ZNF385D: variants seen among roughly 807,000 people sequenced by gnomAD.
The protein encoded by ZNF385D is zinc finger protein 385D, also known as zinc finger protein 659.
In ZNF385D, 15 loss-of-function variants were observed where a neutral mutation model predicts 35.8. The ratio of observed to expected loss-of-function variants is 0.42; its 90% CI spans 0.28 to 0.64. The LOEUF is 0.64. Ranked by LOEUF, ZNF385D falls within the 30% of genes least tolerant of loss-of-function variation. The pLI, the probability that ZNF385D is intolerant of heterozygous loss-of-function variation, is 0.23. For synonymous variants in ZNF385D, 212 were observed against 186.8 expected, an observed-to-expected ratio of 1.13 and a Z score of -1.10; for missense variants, 474 against 494.6, an observed-to-expected ratio of 0.96 and a Z score of 0.39.
In ZNF385D at chr3:21,848,832, T is replaced by C. The variant is rs138166620; in HGVS notation, c.326-183804A>G. Among the ~76,000 whole-genome samples the C allele has an allele frequency of 4.6e-3, 694 of 152,166 alleles. 8 individuals carry two copies. The highest frequency in any genetic ancestry group is 0.015 in the African/African-American group (639 of 41,558). ...ATAAAGAAGGGGAATGCTACTTTTA[T>C]CTCGTCTTACATAGACTCTAAACGT... is the stretch of plus-strand genomic sequence containing the variant. On this transcript the variant is annotated intron_variant, in intron 3 of 5. Transcript: ENST00000494108.
At chr3:21,818,146 T>C (rs1249733351) in intron 3 of ZNF385D, among the ~76,000 whole-genome samples, 2 of 131,712 alleles carry the variant, frequency 1.5e-5, no homozygotes, top group Non-Finnish European at 3.2e-5. Context: ...CTTGGACACA[T>C]GGTGGGGAAC....
At chr3:21,975,881 C>G (rs562537529) in intron 3 of ZNF385D, among the ~76,000 whole-genome samples, 1 of 151,580 alleles carries the variant, frequency 6.6e-6, no homozygotes, top group Non-Finnish European at 1.5e-5. Flanking sequence ...ATCTGATTAA[C>G]TACACAGGAC....
At chr3:21,433,629 G>A (rs1038186756) in intron 5 of ZNF385D, among the ~76,000 whole-genome samples, 1 of 152,146 alleles carries the variant, frequency 6.6e-6, no homozygotes, top group Admixed American at 6.6e-5. Context: ...TGTCTTCTCT[G>A]AATGCAGACA....
chr3:21,817,363 C>G (rs2073197940), intron 3 of ZNF385D, among the ~76,000 whole-genome samples: 1 of 152,100 alleles, frequency 6.6e-6, no homozygotes, highest in South Asian at 2.1e-4. Flanking sequence ...AGTTTCTGCA[C>G]AGCAAAAGAA....
intron 3 of ZNF385D, among the ~76,000 whole-genome samples, chr3:21,798,508 G>A (rs1361409818): frequency 1.3e-5 from 2 of 152,130 alleles, no homozygotes; most frequent in Non-Finnish European, 2.9e-5. Flanking sequence ...AGGATAGCAG[G>A]GGAAGCGTCT....
chr3:22,292,029 T>C (rs1208017683), intron 2 of ZNF385D, among the ~76,000 whole-genome samples: 3 of 152,024 alleles, frequency 2.0e-5, no homozygotes, highest in Non-Finnish European at 2.9e-5. Context: ...CCTGAACATA[T>C]TGGATATTGG....
intron 1 of ZNF385D, among the ~76,000 whole-genome samples, chr3:21,666,368 A>C (rs533253158): frequency 6.6e-6 from 1 of 152,206 alleles, no homozygotes; most frequent in Non-Finnish European, 1.5e-5. Context: ...TCCTGCTCCC[A>C]GGTATAAAAT....
chr3:22,320,833 T>G (rs1049830297), intron 2 of ZNF385D, among the ~76,000 whole-genome samples: 2 of 151,972 alleles, frequency 1.3e-5, no homozygotes, highest in Non-Finnish European at 2.9e-5. Context: ...TTATAAGTGT[T>G]CAACATTTAA....
intron 2 of ZNF385D, among the ~76,000 whole-genome samples, chr3:22,339,861 CTCTT>C: frequency 6.6e-6 from 1 of 152,306 alleles, no homozygotes; most frequent in Admixed American, 6.5e-5. Flanking sequence ...CTTTAAAAAA[CTCTT>C]TCCTCTGAAT....
intron 4 of ZNF385D, among the ~76,000 whole-genome samples, chr3:21,483,682 T>C (rs1704810023): frequency 6.6e-6 from 1 of 152,182 alleles, no homozygotes; most frequent in African/African-American, 2.4e-5. Context: ...ATGTGGAATA[T>C]CTTTTTATGT....
At chr3:22,345,906 A>G (rs1321571413) in intron 2 of ZNF385D, among the ~76,000 whole-genome samples, 1 of 152,204 alleles carries the variant, frequency 6.6e-6, no homozygotes, top group Non-Finnish European at 1.5e-5. Flanking sequence ...CTGAGGGGCT[A>G]TTCCAGTTCT....
intron 2 of ZNF385D, among the ~76,000 whole-genome samples, chr3:22,248,496 A>G (rs1699904337): frequency 6.6e-6 from 1 of 152,160 alleles, no homozygotes; most frequent in Admixed American, 6.5e-5. Flanking sequence ...CTCATTATTT[A>G]TATACAATTT....
At chr3:22,115,812 C>T (rs892219532) in intron 3 of ZNF385D, among the ~76,000 whole-genome samples, 14 of 152,130 alleles carry the variant, frequency 9.2e-5, no homozygotes, top group Admixed American at 2.0e-4. Flanking sequence ...CAGGAAAAAC[C>T]GCTAGCAGGA....
At chr3:22,083,019 A>T (rs1700838780) in intron 3 of ZNF385D, among the ~76,000 whole-genome samples, 1 of 152,240 alleles carries the variant, frequency 6.6e-6, no homozygotes, top group Non-Finnish European at 1.5e-5. Context: ...ACAAACAGAA[A>T]GGAATAGCAT....
At chr3:21,495,213 A>T (rs1705737849) in intron 4 of ZNF385D, among the ~76,000 whole-genome samples, 1 of 151,940 alleles carries the variant, frequency 6.6e-6, no homozygotes, top group Admixed American at 6.6e-5. Flanking sequence ...TATTTCAGTG[A>T]AGGGTAAGAA....
intron 3 of ZNF385D, among the ~76,000 whole-genome samples, chr3:21,901,081 T>C (rs1440312348): frequency 6.6e-6 from 1 of 152,210 alleles, no homozygotes; most frequent in South Asian, 2.1e-4. Flanking sequence ...ATTTATTGAG[T>C]AGCAAGTGCT....
rs982843216 is a variant in ZNF385D at position 21,417,983 on chromosome 3, A to T, written c.*3231T>A. 3 of 152,148 alleles carry T rather than the reference A, an allele frequency of 2.0e-5. No homozygotes were observed. Among genetic ancestry groups the T allele is most frequent in the African/African-American group, 7.2e-5 (3 of 41,442 alleles). The allele number at this position is 152,148 out of a possible 1,614,324, so 9.4% of individuals were successfully genotyped here. ...ATGTGAATAAAAAAAGTACTCTTCA[A>T]AGTTGAGGTCCAGTGAGAGGAGCAA... On this transcript the variant is annotated 3_prime_UTR_variant, in exon 8 of 8. Coordinates refer to ENST00000281523, the MANE Select transcript of ZNF385D (RefSeq NM_024697.3).
chr3:21,683,266 A>G (rs1208009622), intron 1 of ZNF385D, among the ~76,000 whole-genome samples: 2 of 149,788 alleles, frequency 1.3e-5, no homozygotes, highest in African/African-American at 4.9e-5. Context: ...TACACACCCT[A>G]CATCATCTGT....
At chr3:21,714,750 G>A (rs1256638356) in intron 1 of ZNF385D, among the ~76,000 whole-genome samples, 1 of 152,008 alleles carries the variant, frequency 6.6e-6, no homozygotes, top group African/African-American at 2.4e-5. Context: ...TCCCTTTACA[G>A]CAAAGCTCCA....
Sources: allele counts gnomAD v4.1 joint callset (sites outside exome capture counted in the v4.1 genomes callset), GRCh38; gene constraint gnomAD v4.1.1; transcripts MANE v1.5; gene names NCBI Gene and HGNC (gene_info 2026-07-23, HGNC 2026-07-21).